Variants in SCRN1 observed in about 807,000 individuals in gnomAD.
SCRN1 encodes the protein secernin 1.
A neutral mutation model predicts 43.3 loss-of-function variants in SCRN1; 19 were observed. The observed-to-expected ratio is 0.44, with a 90% CI of 0.31 to 0.64. SCRN1 has a LOEUF of 0.64. SCRN1 is among the 30% of genes least tolerant of loss of function. The probability of loss-of-function intolerance (pLI) is 0.09; values close to 1 mark genes in which losing one functional copy is unlikely to be tolerated. For missense variants in SCRN1, 447 were observed against 524.1 expected (o/e 0.85, Z 1.44); for synonymous variants, 183 against 188.9 (o/e 0.97, Z 0.26).
intron 7 of SCRN1, 117 bp from the exon 8 acceptor site, chr7:29,924,232 A>G (rs1379371840): frequency 1.4e-5 from 13 of 920,278 alleles, no homozygotes; most frequent in East Asian, 2.6e-5. Flanking sequence ...TCCTCCCCAC[A>G]CTCCGTTTCA....
intron 3 of SCRN1, among the ~76,000 whole-genome samples, chr7:29,954,087 C>T (rs1279595239): frequency 6.6e-6 from 1 of 152,134 alleles, no homozygotes; most frequent in Non-Finnish European, 1.5e-5. Context: ...CTACTTTAGT[C>T]ATTCATTCAA....
chr7:29,923,712 T>C lies in SCRN1; in HGVS notation c.*245A>G. On this transcript the variant is annotated 3_prime_UTR_variant, in exon 8 of 8. Coordinates refer to ENST00000242059, the MANE Select transcript of SCRN1 (RefSeq NM_014766.5). ...AATAATAGCAGCTTAAAATCCACAATTAGTCACACAACCGAACAACAGGCA... is the reference window on the plus strand; with the variant it reads ...AATAATAGCAGCTTAAAATCCACAACTAGTCACACAACCGAACAACAGGCA... 4.9e-6 allele frequency: 2 copies of C among 406,156 alleles called. No homozygotes were observed. The highest frequency in any genetic ancestry group is 8.8e-6 in the Non-Finnish European group (2 of 226,526). 25.2% of individuals were successfully genotyped at this position (406,156 alleles called of 1,614,324 possible).
At position 29,943,987 on chromosome 7, in the gene SCRN1, C is replaced by T. The variant is rs149538966; in HGVS notation, c.534G>A (p.Glu178=). ...TCCACACCCACTCACCTGTGACTTT[C>T]TCGGCAGCCCAGTACTTCCCTATGG... The part of the protein sequence containing the change: ...LETIGKYWAA[E]KVTEGVRCIC... Residue 178 remains glutamate (E), a synonymous_variant, in exon 4 of 8, where the codon GAG becomes GAA. Coordinates refer to ENST00000242059, the MANE Select transcript of SCRN1 (RefSeq NM_014766.5). 37 of 1,614,080 alleles carry T rather than the reference C, an allele frequency of 2.3e-5. No individual in the cohort carries two copies. Among genetic ancestry groups the T allele is most frequent in the Non-Finnish European group, 2.9e-5 (34 of 1,180,032 alleles).
intron 6 of SCRN1, among the ~76,000 whole-genome samples, chr7:29,932,941 A>C (rs528909101): frequency 3.2e-4 from 49 of 152,030 alleles, no homozygotes; most frequent in Admixed American, 5.9e-4. Context: ...CAGTGGCTCA[A>C]TCTCAGCTCA....
In SCRN1 at chr7:29,923,981, G is replaced by C. The variant is rs754561585; in HGVS notation, c.1221C>G (p.Asp407Glu). Residue 407 changes from aspartate (D) to glutamate (E), a missense_variant, in exon 8 of 8, where the codon GAC becomes GAG. Transcript: ENST00000242059. ...TTCACTTAAAGAACTTAATCTCCGT[G>C]TCAACACAGTCATAGAAAAGGTCCC... ...EVGDLFYDCV[D>E]TEIKFFK 84 of 1,613,436 alleles carry C rather than the reference G, an allele frequency of 5.2e-5. No individual in the cohort carries two copies. The highest frequency in any genetic ancestry group is 6.9e-5 in the Non-Finnish European group (81 of 1,179,832).
intron 3 of SCRN1, among the ~76,000 whole-genome samples, chr7:29,944,662 C>CA (rs397729276): frequency 0.34 from 26,202 of 77,376 alleles, 3,186 homozygotes; most frequent in Middle Eastern, 0.38. Context: ...GACCCTGTCT[C>CA]AAAAAAAAAA....
chr7:29,936,901 C>T (rs1787354626), intron 5 of SCRN1, among the ~76,000 whole-genome samples, 180 bp from the exon 6 acceptor site: 1 of 152,022 alleles, frequency 6.6e-6, no homozygotes. Context: ...AAAAAAAAAG[C>T]CAGGGGTGGT....
intron 1 of SCRN1, among the ~76,000 whole-genome samples, chr7:29,982,920 T>G (rs1165790039): frequency 6.6e-6 from 1 of 151,206 alleles, no homozygotes; most frequent in Non-Finnish European, 1.5e-5. Context: ...CTCACCACAA[T>G]CTCCACCTCC....
intron 2 of SCRN1, among the ~76,000 whole-genome samples, chr7:29,966,200 AGAG>A (rs2128096989): frequency 6.6e-6 from 1 of 150,772 alleles, no homozygotes; most frequent in East Asian, 2.0e-4. Context: ...AGAGAGAGAG[AGAG>A]AAGCTGTATC....
chr7:29,986,287 TAGCC>T (rs1354098318), intron 1 of SCRN1, among the ~76,000 whole-genome samples: 3 of 152,238 alleles, frequency 2.0e-5, no homozygotes, highest in Non-Finnish European at 4.4e-5. Flanking sequence ...TATTTTCTAG[TAGCC>T]ACATTTTTAA....
intron 1 of SCRN1, chr7:29,969,952 G>A (rs1583690265): frequency 2.2e-6 from 1 of 447,792 alleles, no homozygotes; most frequent in South Asian, 1.6e-5. Context: ...ACCAAGTCCT[G>A]TACATTCCAT....
At chr7:29,982,014 G>C (rs1478152790) in intron 1 of SCRN1, among the ~76,000 whole-genome samples, 2 of 152,170 alleles carry the variant, frequency 1.3e-5, no homozygotes, top group African/African-American at 4.8e-5. Context: ...GAGGCCTGTG[G>C]TTGATATACT....
rs530487591 is a variant in SCRN1 at position 29,947,365 on chromosome 7, C to A, written c.342-3186G>T. 242 of 1,542,872 alleles carry A rather than the reference C, an allele frequency of 1.6e-4. 2 individuals are homozygous for A. In the South Asian group the frequency reaches 2.7e-3, roughly 17 times the overall value. The stretch of plus-strand genomic sequence containing the variant: ...ACACCTGTACTTCTCCTGCTTAAAG[C>A]CCGTTTGTTTAGAAACTCTGCTTAT... On this transcript the variant is annotated intron_variant, in intron 3 of 7. Transcript: ENST00000242059.
chr7:29,955,139 C>A (rs1251997202), intron 3 of SCRN1, 40 bp downstream of exon 3: 2 of 1,572,210 alleles, frequency 1.3e-6, no homozygotes, highest in Non-Finnish European at 1.7e-6. Flanking sequence ...CATTTCCAAC[C>A]TTTTCTAGGA....
intron 1 of SCRN1, among the ~76,000 whole-genome samples, chr7:29,977,243 T>C (rs1017738272): frequency 1.3e-5 from 2 of 152,196 alleles, no homozygotes; most frequent in Non-Finnish European, 2.9e-5. Flanking sequence ...GACTTCCCTA[T>C]TCTCCACACT....
At chr7:29,940,550 A>G (rs1015900276) in intron 5 of SCRN1, 132 bp downstream of exon 5, 76 of 746,488 alleles carry the variant, frequency 1.0e-4, no homozygotes, top group South Asian at 8.8e-4. Context: ...CTTTTAGCAG[A>G]AGTTGGTCTT....
intron 5 of SCRN1, among the ~76,000 whole-genome samples, chr7:29,937,077 T>C (rs1787365266): frequency 6.6e-6 from 1 of 152,070 alleles, no homozygotes; most frequent in Non-Finnish European, 1.5e-5. Context: ...AGAGTAGCTA[T>C]AACACAAAAC....
At chr7:29,961,771 A>G (rs3926144) in intron 2 of SCRN1, among the ~76,000 whole-genome samples, 27,270 of 145,142 alleles carry the variant, frequency 0.19, 2,649 homozygotes, top group African/African-American at 0.26. Context: ...CTGGCCGGGC[A>G]GGGGGCTGAC....
chr7:29,944,504 A>AT (rs950312292), intron 3 of SCRN1, among the ~76,000 whole-genome samples: 3 of 151,946 alleles, frequency 2.0e-5, no homozygotes, highest in Admixed American at 6.6e-5. Context: ...TCAAAAAAAA[A>AT]TTTTTTTAAT....
Sources: allele counts gnomAD v4.1 joint callset (sites outside exome capture counted in the v4.1 genomes callset), GRCh38; gene constraint gnomAD v4.1.1; transcripts MANE v1.5; gene names NCBI Gene and HGNC (gene_info 2026-07-23, HGNC 2026-07-21).